The following DGKB variants were observed in gnomAD, a reference collection of about 807,000 sequenced individuals.
The protein encoded by DGKB is 90 kDa diacylglycerol kinase.
A neutral mutation model predicts 114.3 loss-of-function variants in DGKB; 67 were observed. The ratio of observed to expected loss-of-function variants is 0.59; its 90% CI spans 0.48 to 0.72. DGKB has a LOEUF of 0.72. Among genes scored for constraint, DGKB ranks in the 30% least tolerant of loss-of-function variants. DGKB has a pLI of 0.00. For synonymous variants in DGKB, 398 were observed against 323.1 expected (o/e 1.23, Z -2.49); for missense variants, 907 against 975.2 (o/e 0.93, Z 0.93).
chr7:14,572,131 C>A (rs909643118), intron 20 of DGKB, among the ~76,000 whole-genome samples: 1 of 151,886 alleles, frequency 6.6e-6, no homozygotes, highest in African/African-American at 2.4e-5. Context: ...ATAAATATGT[C>A]AAAAGAATGA....
At chr7:14,643,130 G>A (rs1187810970) in intron 13 of DGKB, among the ~76,000 whole-genome samples, 6 of 152,104 alleles carry the variant, frequency 3.9e-5, no homozygotes, top group African/African-American at 1.2e-4. Context: ...CTAAGACATG[G>A]AAACTCCTGA....
At chr7:14,457,948 T>C (rs1312908512) in intron 21 of DGKB, among the ~76,000 whole-genome samples, 1 of 152,192 alleles carries the variant, frequency 6.6e-6, no homozygotes, top group Non-Finnish European at 1.5e-5. Flanking sequence ...GTATGCTTAA[T>C]AGGGAAGGAC....
At chr7:14,622,992 ATTTG>A (rs1563708567) in intron 14 of DGKB, among the ~76,000 whole-genome samples, 1 of 152,130 alleles carries the variant, frequency 6.6e-6, no homozygotes, top group Non-Finnish European at 1.5e-5. Context: ...TATTTATCTG[ATTTG>A]TTTAATTGTC....
intron 25 of DGKB, among the ~76,000 whole-genome samples, chr7:14,167,243 T>C (rs1784743779): frequency 6.7e-6 from 1 of 149,356 alleles, no homozygotes; most frequent in Non-Finnish European, 1.5e-5. Context: ...CTGTTAATCA[T>C]TTCCATCCCA....
At chr7:14,168,622 A>C (rs2128233373) in intron 25 of DGKB, among the ~76,000 whole-genome samples, 1 of 152,392 alleles carries the variant, frequency 6.6e-6, no homozygotes, top group South Asian at 2.1e-4. Context: ...TGAATTTCTT[A>C]TCAGAAATTG....
intron 21 of DGKB, among the ~76,000 whole-genome samples, chr7:14,381,527 A>G (rs1290980760): frequency 6.6e-6 from 1 of 152,198 alleles, no homozygotes; most frequent in African/African-American, 2.4e-5. Flanking sequence ...GATCTAACTA[A>G]TGAATCTTAC....
chr7:14,419,942 T>C (rs1826404113), intron 21 of DGKB, among the ~76,000 whole-genome samples: 1 of 152,064 alleles, frequency 6.6e-6, no homozygotes, highest in Non-Finnish European at 1.5e-5. Context: ...ATTTGGGACA[T>C]GGAAGAGCGA....
intron 1 of DGKB, 125 bp downstream of exon 1, chr7:14,902,467 C>T (rs1320961617): frequency 6.6e-6 from 1 of 152,240 alleles, no homozygotes; most frequent in African/African-American, 2.4e-5. Flanking sequence ...ACCGATTTAA[C>T]ATTTCATGGA....
chr7:14,526,815 C>T (rs893001663), intron 20 of DGKB, among the ~76,000 whole-genome samples: 1 of 151,938 alleles, frequency 6.6e-6, no homozygotes, highest in African/African-American at 2.4e-5. Flanking sequence ...TACACACACG[C>T]CACACACAGA....
intron 2 of DGKB, among the ~76,000 whole-genome samples, chr7:14,776,699 C>G (rs866577129): frequency 6.6e-6 from 1 of 152,206 alleles, no homozygotes; most frequent in Non-Finnish European, 1.5e-5. Flanking sequence ...GATGTCCAGG[C>G]AGAAGTCTGC....
intron 13 of DGKB, among the ~76,000 whole-genome samples, chr7:14,650,974 A>G (rs1814334676): frequency 6.6e-6 from 1 of 152,110 alleles, no homozygotes; most frequent in Admixed American, 6.5e-5. Context: ...TAATAGACCA[A>G]TAACAGGAGC....
chr7:14,953,942 G>A (rs190753014), intron 1 of DGKB, among the ~76,000 whole-genome samples: 2 of 152,176 alleles, frequency 1.3e-5, no homozygotes, highest in Admixed American at 1.3e-4. Flanking sequence ...TGTTAGAAAT[G>A]CAAATTCTGA....
intron 2 of DGKB, among the ~76,000 whole-genome samples, chr7:14,780,291 C>A (rs1324205898): frequency 6.6e-6 from 1 of 152,184 alleles, no homozygotes. Context: ...ATATAAATGT[C>A]TTTGTTCTTT....
chr7:14,264,866 TG>T (rs977995312), intron 23 of DGKB, among the ~76,000 whole-genome samples: 3 of 151,842 alleles, frequency 2.0e-5, no homozygotes, highest in African/African-American at 7.3e-5. Context: ...ATGAGAAAAA[TG>T]GGGGTTGTTG....
At chr7:14,761,903 G>A (rs1331441752) in intron 2 of DGKB, among the ~76,000 whole-genome samples, 1 of 152,244 alleles carries the variant, frequency 6.6e-6, no homozygotes, top group Non-Finnish European at 1.5e-5. Context: ...GGACAGATGC[G>A]CAGCACAAAA....
At chr7:14,950,512 T>A (rs1786129104) in intron 1 of DGKB, among the ~76,000 whole-genome samples, 1 of 151,862 alleles carries the variant, frequency 6.6e-6, no homozygotes, top group Non-Finnish European at 1.5e-5. Flanking sequence ...AAATTTTAGT[T>A]GGATTGATCA....
At chr7:14,796,293 A>T (rs1841395367) in intron 2 of DGKB, among the ~76,000 whole-genome samples, 1 of 152,192 alleles carries the variant, frequency 6.6e-6, no homozygotes, top group Non-Finnish European at 1.5e-5. Context: ...GAAGAAGATC[A>T]ATAATTAACA....
At chr7:14,462,842 T>C (rs1196379782) in intron 21 of DGKB, among the ~76,000 whole-genome samples, 2 of 152,146 alleles carry the variant, frequency 1.3e-5, no homozygotes, top group Non-Finnish European at 2.9e-5. Context: ...CTGCAAACTA[T>C]ATGACAAGGC....
intron 23 of DGKB, among the ~76,000 whole-genome samples, chr7:14,242,549 C>T (rs988021378): frequency 2.6e-5 from 4 of 152,122 alleles, no homozygotes; most frequent in African/African-American, 9.7e-5. Flanking sequence ...TTCAGTAATG[C>T]CACCCAGGCC....
Sources: allele counts gnomAD v4.1 joint callset (sites outside exome capture counted in the v4.1 genomes callset), GRCh38; gene constraint gnomAD v4.1.1; transcripts MANE v1.5; gene names NCBI Gene and HGNC (gene_info 2026-07-23, HGNC 2026-07-21).